NCKAP1: variants seen among roughly 807,000 people sequenced by gnomAD.
The protein encoded by NCKAP1 is NCK associated protein 1, also known as nck-associated protein 1.
In NCKAP1, 21 loss-of-function variants were observed where a neutral mutation model predicts 151.2. That is an observed-to-expected ratio of 0.14 (90% CI 0.10 to 0.20). NCKAP1 has a LOEUF of 0.20. Ranked by LOEUF, NCKAP1 falls within the 10% of genes least tolerant of loss-of-function variation. The pLI is 1.00. For missense variants in NCKAP1, 933 were observed against 1,352.1 expected (o/e 0.69, Z 4.86); for synonymous variants, 484 against 451.8 (o/e 1.07, Z -0.90).
At chr2:183,000,590 C>T (rs1446098650) in intron 6 of NCKAP1, among the ~76,000 whole-genome samples, 2 of 152,150 alleles carry the variant, frequency 1.3e-5, no homozygotes, top group Non-Finnish European at 2.9e-5. Context: ...AATTCTGATA[C>T]TTCCATCTAA....
At chr2:182,966,418 C>T (rs1287762759) in intron 16 of NCKAP1, among the ~76,000 whole-genome samples, 3 of 151,968 alleles carry the variant, frequency 2.0e-5, no homozygotes, top group Non-Finnish European at 4.4e-5. Flanking sequence ...TCCCAAGTAG[C>T]TGGGACTACA....
rs992642392 is a variant in NCKAP1 at position 182,911,737 on chromosome 2, T to A, written c.*13965A>T. 3.9e-5 allele frequency: 6 copies of A among 152,080 alleles called. No homozygotes were observed. Among genetic ancestry groups the A allele is most frequent in the South Asian group, 2.1e-4 (1 of 4,832 alleles). The allele number at this position is 152,080 out of a possible 1,614,324, so 9.4% of individuals were successfully genotyped here. A position where few individuals can be genotyped will look rare whatever the true frequency, so the allele number is the denominator to read the frequency against. ...GAAAACAGATTGCTGTTGATGGGAA[T>A]TATTAAAAAAAAACAAAACAAACAG... On this transcript the variant is annotated 3_prime_UTR_variant, in exon 31 of 31. Coordinates refer to ENST00000361354, the MANE Select transcript of NCKAP1 (RefSeq NM_013436.5).
At chr2:182,986,351 G>C in intron 9 of NCKAP1, 124 bp from the exon 10 acceptor site, 2 of 717,692 alleles carry the variant, frequency 2.8e-6, no homozygotes, top group South Asian at 1.9e-5. Context: ...CATCAAACTG[G>C]AAGTGCATGG....
intron 1 of NCKAP1, chr2:183,024,986 C>T (rs1421213944): frequency 2.5e-6 from 4 of 1,612,326 alleles, no homozygotes; most frequent in Non-Finnish European, 1.7e-6. Flanking sequence ...ACCTTCCAAA[C>T]TTGTCCTTGC....
chr2:182,992,151 T>C (rs1698182012), intron 8 of NCKAP1, among the ~76,000 whole-genome samples: 2 of 152,198 alleles, frequency 1.3e-5, no homozygotes, highest in Admixed American at 6.5e-5. Context: ...AACCACACTT[T>C]GAACTAATCC....
At position 182,921,199 on chromosome 2, in the gene NCKAP1, C is replaced by T. The variant is rs1439045875; in HGVS notation, c.*4503G>A. 6.6e-6 allele frequency: 1 copy of T among 152,170 alleles called. No individual in the cohort carries two copies. The highest frequency in any genetic ancestry group is 2.4e-5 in the African/African-American group (1 of 41,444). The allele number at this position is 152,170 out of a possible 1,614,324, so 9.4% of individuals were successfully genotyped here. On this transcript the variant is annotated 3_prime_UTR_variant, in exon 31 of 31. Coordinates refer to ENST00000361354, the MANE Select transcript of NCKAP1 (RefSeq NM_013436.5). ...TGAGTGAGCAATTTAGCACCTGATA[C>T]TGCTGAGAAATTAATGACTCTGCAC...
intron 24 of NCKAP1, among the ~76,000 whole-genome samples, chr2:182,938,733 G>C (rs1198997504): frequency 6.6e-6 from 1 of 152,186 alleles, no homozygotes; most frequent in African/African-American, 2.4e-5. Flanking sequence ...GGGAATGAAT[G>C]TAGCAAAAAC....
At chr2:182,983,445 GTAAC>G in intron 10 of NCKAP1, 63 bp from the exon 11 acceptor site, 5 of 1,237,168 alleles carry the variant, frequency 4.0e-6, no homozygotes, top group Non-Finnish European at 4.7e-6. Context: ...GGCAATTAAA[GTAAC>G]TAGCATTATA....
At chr2:183,005,592 T>C (rs1034905724) in intron 2 of NCKAP1, among the ~76,000 whole-genome samples, 6 of 152,152 alleles carry the variant, frequency 3.9e-5, no homozygotes, top group African/African-American at 1.4e-4. Flanking sequence ...CATTCAACTT[T>C]ATTTCCCCCA....
chr2:182,976,278 A>T (rs769065654), intron 15 of NCKAP1, among the ~76,000 whole-genome samples: 47 of 152,208 alleles, frequency 3.1e-4, no homozygotes, highest in Non-Finnish European at 6.2e-4. Context: ...TATTTATATG[A>T]GACATATATT....
At chr2:183,017,711 T>C (rs1698720447) in intron 2 of NCKAP1, among the ~76,000 whole-genome samples, 1 of 152,084 alleles carries the variant, frequency 6.6e-6, no homozygotes, top group African/African-American at 2.4e-5. Context: ...ATGTACTTAG[T>C]TGAAGCCACA....
At position 182,957,640 on chromosome 2, in the gene NCKAP1, C is replaced by G. The variant is rs140136468; in HGVS notation, c.1882-44G>C. ...GAAATCTTACATTACACCAATTACT[C>G]TGAAAGCATACTAACTATTCAAGCA... On this transcript the variant is annotated intron_variant, in intron 18 of 30. Transcript: ENST00000361354. 313 of 1,587,568 alleles carry G rather than the reference C, an allele frequency of 2.0e-4. No individual in the cohort carries two copies. The African/African-American group carries it at 3.2e-3, about 16-fold the overall frequency.
At chr2:182,958,863 C>T (rs1160197292) in intron 18 of NCKAP1, among the ~76,000 whole-genome samples, 1 of 152,146 alleles carries the variant, frequency 6.6e-6, no homozygotes, top group African/African-American at 2.4e-5. Flanking sequence ...GAAATGTGCC[C>T]AGTCCAAATT....
intron 2 of NCKAP1, among the ~76,000 whole-genome samples, chr2:183,009,570 T>C (rs1052257478): frequency 2.0e-5 from 3 of 152,188 alleles, no homozygotes; most frequent in African/African-American, 7.2e-5. Flanking sequence ...GTTTAAGATG[T>C]ATACTAAATT....
rs530578763 is a variant in NCKAP1, at chr2:182,989,098, G to C, written c.879C>G (p.Leu293=). Residue 293 remains leucine, a synonymous_variant, in exon 9 of 31, where the codon CTC becomes CTG. Transcript: ENST00000361354. ...GGAAAACTTCATCCCGAAAGAGAGA[G>C]AGGCAAGAGCTACTTTGAAGAGCTA... ...WKLALQSSSC[L]SLFRDEVFHI... 1.0e-4 allele frequency: 162 copies of C among 1,613,812 alleles called. No homozygotes were observed. In the South Asian group the frequency reaches 1.7e-3, roughly 17 times the overall value.
At chr2:183,018,075 C>T (rs1698727657) in intron 2 of NCKAP1, among the ~76,000 whole-genome samples, 1 of 151,980 alleles carries the variant, frequency 6.6e-6, no homozygotes, top group Non-Finnish European at 1.5e-5. Flanking sequence ...ATGGTGAAAC[C>T]CGTCTCTACT....
intron 9 of NCKAP1, among the ~76,000 whole-genome samples, chr2:182,987,447 T>A (rs1698079947): frequency 6.6e-6 from 1 of 152,164 alleles, no homozygotes; most frequent in Non-Finnish European, 1.5e-5. Context: ...TGGATGATCA[T>A]TCACAATTAA....
chr2:182,960,031 G>A (rs1167992746), intron 18 of NCKAP1, among the ~76,000 whole-genome samples: 6 of 152,314 alleles, frequency 3.9e-5, no homozygotes, highest in Non-Finnish European at 8.8e-5. Context: ...CAAGGGACGT[G>A]AAGGACCTCT....
intron 2 of NCKAP1, among the ~76,000 whole-genome samples, chr2:183,014,312 G>T (rs996755538): frequency 1.3e-5 from 2 of 152,114 alleles, no homozygotes; most frequent in Non-Finnish European, 2.9e-5. Context: ...TCTCTGAATG[G>T]TGGCATTTAA....
Sources: allele counts gnomAD v4.1 joint callset (sites outside exome capture counted in the v4.1 genomes callset), GRCh38; gene constraint gnomAD v4.1.1; transcripts MANE v1.5; gene names NCBI Gene and HGNC (gene_info 2026-07-23, HGNC 2026-07-21).